The following RASEF variants were observed in gnomAD, a reference collection of about 807,000 sequenced individuals.
RASEF encodes the protein ras and EF-hand domain-containing protein.
A neutral mutation model predicts 90.1 loss-of-function variants in RASEF; 68 were observed. That is an observed-to-expected ratio of 0.75 (90% CI 0.62 to 0.92). The LOEUF is 0.92. Ranked by LOEUF, RASEF falls within the 40% of genes least tolerant of loss-of-function variation. The pLI is 0.00. For missense variants in RASEF, 949 were observed against 937.2 expected (o/e 1.01, Z -0.16); for synonymous variants, 331 against 345.2 (o/e 0.96, Z 0.46).
the RASEF span, among the ~76,000 whole-genome samples, chr9:83,172,852 A>C: frequency 6.6e-6 from 1 of 151,932 alleles, no homozygotes; most frequent in African/African-American, 2.4e-5. Flanking sequence ...TTTACTAGTC[A>C]CTTTTATCCC....
chr9:83,049,344 T>A, intron 1 of RASEF: 10 of 985,190 alleles, frequency 1.0e-5, no homozygotes, highest in Non-Finnish European at 1.2e-5. Context: ...CCAAGCTACA[T>A]CTCCACAGTC....
At chr9:83,069,307 C>A in the RASEF span, among the ~76,000 whole-genome samples, 1 of 152,090 alleles carries the variant, frequency 6.6e-6, no homozygotes. Context: ...CCAAAATTGC[C>A]ATTGACCCCC....
At chr9:83,187,017 C>G in the RASEF span, among the ~76,000 whole-genome samples, 1 of 152,066 alleles carries the variant, frequency 6.6e-6, no homozygotes, top group African/African-American at 2.4e-5. Context: ...GAAGATATTC[C>G]TCTGCCTAAA....
chr9:83,088,197 G>A, the RASEF span, among the ~76,000 whole-genome samples: 6 of 151,988 alleles, frequency 3.9e-5, no homozygotes, highest in African/African-American at 1.4e-4. Flanking sequence ...TGAGAAGAAT[G>A]TGTATTCTGA....
chr9:83,206,075 T>TA, the RASEF span, among the ~76,000 whole-genome samples: 1 of 152,216 alleles, frequency 6.6e-6, no homozygotes, highest in South Asian at 2.1e-4. Flanking sequence ...ATAAATCTTA[T>TA]AAAAAATATT....
intron 1 of RASEF, among the ~76,000 whole-genome samples, chr9:83,049,528 C>CTTTTTTT (rs1564089031): frequency 1.4e-5 from 1 of 73,518 alleles, no homozygotes; most frequent in South Asian, 5.2e-4. Flanking sequence ...TTTCTGCCTT[C>CTTTTTTT]CTTTTTTTTT....
the RASEF span, among the ~76,000 whole-genome samples, chr9:83,141,798 G>A: frequency 6.6e-6 from 1 of 152,180 alleles, no homozygotes; most frequent in Non-Finnish European, 1.5e-5. Flanking sequence ...CAAGGTTGAG[G>A]TCACGACTGG....
intron 1 of RASEF, among the ~76,000 whole-genome samples, chr9:83,033,534 AGC>A (rs1051214693): frequency 1.3e-5 from 2 of 152,202 alleles, no homozygotes; most frequent in Non-Finnish European, 2.9e-5. Context: ...AGTTAGCAGG[AGC>A]CCGATGAGCA....
intron 1 of RASEF, among the ~76,000 whole-genome samples, chr9:83,028,960 C>G (rs546909626): frequency 6.6e-6 from 1 of 152,276 alleles, no homozygotes; most frequent in East Asian, 1.9e-4. Context: ...AGACAGCCAT[C>G]TGCAAGTCAA....
At chr9:82,998,750 T>G (rs1432803294) in intron 12 of RASEF, among the ~76,000 whole-genome samples, 3 of 152,110 alleles carry the variant, frequency 2.0e-5, no homozygotes, top group East Asian at 1.9e-4. Context: ...TGTGTGTGTG[T>G]GTGTGGGTGT....
the RASEF span, among the ~76,000 whole-genome samples, chr9:83,152,721 C>T: frequency 6.4e-5 from 8 of 124,722 alleles, no homozygotes; most frequent in Admixed American, 2.6e-4. Flanking sequence ...TGCGCATGTG[C>T]GCACAGACAC....
At chr9:83,091,988 C>CT in the RASEF span, among the ~76,000 whole-genome samples, 1 of 30,070 alleles carries the variant, frequency 3.3e-5, no homozygotes, top group African/African-American at 1.1e-4. Flanking sequence ...TTTTTATATT[C>CT]TTTTTCTTTT....
chr9:83,136,149 A>G, the RASEF span, among the ~76,000 whole-genome samples: 2 of 152,012 alleles, frequency 1.3e-5, no homozygotes, highest in African/African-American at 4.8e-5. Flanking sequence ...ACCCTCATAA[A>G]CCTGCTTTTA....
chr9:83,015,488 C>G (rs564488085), intron 4 of RASEF, among the ~76,000 whole-genome samples: 42 of 152,254 alleles, frequency 2.8e-4, no homozygotes, highest in Non-Finnish European at 5.4e-4. Flanking sequence ...TGAGACCAGC[C>G]TGGCCGACAT....
At chr9:83,187,920 A>G in the RASEF span, among the ~76,000 whole-genome samples, 14 of 152,354 alleles carry the variant, frequency 9.2e-5, no homozygotes, top group East Asian at 2.7e-3. Context: ...CTGTAAGCAC[A>G]TCATTAACTT....
intron 1 of RASEF, among the ~76,000 whole-genome samples, chr9:83,043,033 ATGATGACCC>A (rs1829868170): frequency 6.6e-6 from 1 of 152,198 alleles, no homozygotes; most frequent in South Asian, 2.1e-4. Flanking sequence ...TAGACTTCAT[ATGATGACCC>A]TGAGTTAGCA....
chr9:83,023,735 G>A (rs1468663386), intron 2 of RASEF, among the ~76,000 whole-genome samples: 1 of 152,062 alleles, frequency 6.6e-6, no homozygotes, highest in Non-Finnish European at 1.5e-5. Context: ...AATGTCTGGC[G>A]GTTTTTTGGT....
At chr9:83,036,985 G>C (rs560946038) in intron 1 of RASEF, among the ~76,000 whole-genome samples, 22 of 152,092 alleles carry the variant, frequency 1.4e-4, no homozygotes, top group Non-Finnish European at 3.1e-4. Context: ...ACATACAGTG[G>C]TATCATTAGC....
At chr9:83,147,032 ATATATATG>A in the RASEF span, among the ~76,000 whole-genome samples, 3 of 108,780 alleles carry the variant, frequency 2.8e-5, no homozygotes, top group African/African-American at 4.3e-5. Flanking sequence ...GTGTGTGTAT[ATATATATG>A]TATATATATA....
Sources: allele counts gnomAD v4.1 joint callset (sites outside exome capture counted in the v4.1 genomes callset), GRCh38; gene constraint gnomAD v4.1.1; transcripts MANE v1.5; gene names NCBI Gene and HGNC (gene_info 2026-07-23, HGNC 2026-07-21).